Variants in ITPK1 observed in about 807,000 individuals in gnomAD.
The protein encoded by ITPK1 is inositol 1,3,4-trisphosphate 5/6-kinase.
In ITPK1, 21 loss-of-function variants were observed where a neutral mutation model predicts 45.3. The ratio of observed to expected loss-of-function variants is 0.46; its 90% CI spans 0.33 to 0.67. The LOEUF (loss-of-function observed/expected upper bound fraction) is 0.67. Ranked by LOEUF, ITPK1 falls within the 30% of genes least tolerant of loss-of-function variation. The pLI is 0.02. For missense variants in ITPK1, 474 were observed against 573.5 expected, an observed-to-expected ratio of 0.83 and a Z score of 1.77; for synonymous variants, 258 against 253.6, an observed-to-expected ratio of 1.02 and a Z score of -0.16.
intron 2 of ITPK1, among the ~76,000 whole-genome samples, chr14:93,082,395 G>A (rs1278999223): frequency 6.6e-6 from 1 of 152,166 alleles, no homozygotes; most frequent in Non-Finnish European, 1.5e-5. Flanking sequence ...GCGTAGGCAG[G>A]AGCGGAAGAG....
chr14:92,998,375 C>T (rs1024076523), intron 4 of ITPK1, among the ~76,000 whole-genome samples: 6 of 152,332 alleles, frequency 3.9e-5, no homozygotes, highest in South Asian at 2.1e-4. Context: ...CATGCCCACC[C>T]TCCTGCTGAT....
In ITPK1 at chr14:93,014,306, A is replaced by G. The variant is rs1026570591; in HGVS notation, c.246+2370T>C. 1.3e-5 allele frequency among the ~76,000 whole-genome samples: 2 copies of G among 152,194 alleles called. No homozygotes were observed. Among genetic ancestry groups the G allele is most frequent in the Non-Finnish European group, 2.9e-5 (2 of 68,038 alleles). ...AATATTGTTTTCTGCCCAGAAAAGG[A>G]ACACAGCGGGCACTCTCATTCACTG... is the stretch of plus-strand genomic sequence containing the variant. On this transcript the variant is annotated intron_variant, in intron 4 of 10. Coordinates refer to ENST00000267615, the MANE Select transcript of ITPK1 (RefSeq NM_014216.6). This position sits in a 1 kb window ranked among gnomAD's most constrained non-coding sequence, Gnocchi z 4.4.
chr14:92,956,186 C>A lies in ITPK1; in HGVS notation c.670+2015G>T, dbSNP rs1000812127. Among the ~76,000 whole-genome samples the A allele has an allele frequency of 8.6e-5, 13 of 151,714 alleles. 1 individual carries two copies. In the East Asian group the frequency reaches 9.7e-4, roughly 11 times the overall value. ...CCAGGCTGGAATGCAGTGGCATGAC[C>A]ACAGCTCACTGCAACCTTAAACTCC... is the stretch of plus-strand genomic sequence containing the variant. On this transcript the variant is annotated intron_variant, in intron 8 of 10. Transcript: ENST00000267615.
intron 2 of ITPK1, among the ~76,000 whole-genome samples, chr14:93,096,008 G>A (rs948868039): frequency 1.3e-5 from 2 of 152,144 alleles, no homozygotes; most frequent in African/African-American, 4.8e-5. Context: ...TCTACCTCCT[G>A]TAAAATAATC....
intron 2 of ITPK1, among the ~76,000 whole-genome samples, chr14:93,078,314 T>C (rs1041293892): frequency 3.3e-5 from 5 of 152,150 alleles, no homozygotes; most frequent in African/African-American, 1.2e-4. Context: ...TGTCAGCTCA[T>C]TCAGTGAGGG....
intron 10 of ITPK1, among the ~76,000 whole-genome samples, chr14:92,944,163 A>C (rs931641319): frequency 6.6e-6 from 1 of 152,066 alleles, no homozygotes; most frequent in Admixed American, 6.5e-5. Flanking sequence ...GCCCTCTCCC[A>C]GGCCTCTCCC....
At chr14:92,988,648 G>A (rs1392799543) in intron 5 of ITPK1, among the ~76,000 whole-genome samples, 1 of 150,556 alleles carries the variant, frequency 6.6e-6, no homozygotes, top group Non-Finnish European at 1.5e-5. Flanking sequence ...GGGTGTGGAA[G>A]GGGTACACAC....
chr14:93,080,098 C>T (rs1056784436), intron 2 of ITPK1, among the ~76,000 whole-genome samples: 8 of 152,322 alleles, frequency 5.3e-5, no homozygotes, highest in Admixed American at 2.6e-4. Flanking sequence ...CATGCACCCA[C>T]GAGGAATTAT....
chr14:93,017,328 C>T (rs1461668779), intron 3 of ITPK1, among the ~76,000 whole-genome samples: 1 of 152,212 alleles, frequency 6.6e-6, no homozygotes, highest in Non-Finnish European at 1.5e-5. Context: ...TAGAAATTGC[C>T]GCTTTGAGCG....
At chr14:92,948,899 T>TGGATATCACCCACGCTCC (rs1566688675) in intron 9 of ITPK1, among the ~76,000 whole-genome samples, 4 of 149,870 alleles carry the variant, frequency 2.7e-5, no homozygotes, top group East Asian at 4.0e-4. Context: ...ACCCACGCTC[T>TGGATATCACCCACGCTCC]GAGGGACCCA....
At position 93,014,405 on chromosome 14, in the gene ITPK1, A is replaced by G. The variant is rs1385214643; in HGVS notation, c.246+2271T>C. ...TGGGCAAGAGGGATAAGAGCTTGGGAGCAGATGTTCCAGAACTCCGGGCCC... is the reference window on the plus strand; with the variant it reads ...TGGGCAAGAGGGATAAGAGCTTGGGGGCAGATGTTCCAGAACTCCGGGCCC... On this transcript the variant is annotated intron_variant, in intron 4 of 10. Transcript: ENST00000267615. The surrounding 1 kb of genome is among the most constrained non-coding windows in gnomAD (Gnocchi z 4.4). Among the ~76,000 whole-genome samples the G allele has an allele frequency of 7.9e-5, 12 of 152,140 alleles. No homozygotes were observed.
chr14:93,026,103 C>T (rs990950568), intron 3 of ITPK1, among the ~76,000 whole-genome samples: 6 of 151,192 alleles, frequency 4.0e-5, no homozygotes, highest in African/African-American at 1.5e-4. Context: ...AGAGTGAGGC[C>T]CTGTCTAAAA....
Position 93,040,533 on chromosome 14 carries a change from C to A in ITPK1, c.121-23732G>T, listed in dbSNP as rs1566751020. On this transcript the variant is annotated intron_variant, in intron 3 of 10. Coordinates refer to ENST00000267615, the MANE Select transcript of ITPK1 (RefSeq NM_014216.6). ...CCAACACCCCTGCCCAGGCACCCTG[C>A]AGACACTGTATACACCAAATACTTG... Among the ~76,000 whole-genome samples the A allele has an allele frequency of 2.0e-5, 3 of 152,338 alleles. No individual in the cohort carries two copies. In the South Asian group the frequency reaches 6.2e-4, roughly 32 times the overall value.
rs376342112 is a variant in ITPK1, at chr14:93,105,702, G to GTT, written c.95+9365_95+9366dup. On this transcript the variant is annotated intron_variant, in intron 2 of 10. Transcript: ENST00000267615. Reference sequence around the variant, plus strand: ...ACCACGCCTGGCTAATTTTTGTGGGGTTTTTTTTTTTTTTTTTTGAGACAG... The same window carrying GTT: ...ACCACGCCTGGCTAATTTTTGTGGGGTTTTTTTTTTTTTTTTTTTTGAGACAG... Among the ~76,000 whole-genome samples the GTT allele has an allele frequency of 1.6e-4, 20 of 127,758 alleles. 1 individual carries two copies. Among genetic ancestry groups the GTT allele is most frequent in the African/African-American group, 2.4e-4 (8 of 33,648 alleles). 83.8% of individuals were successfully genotyped at this position (127,758 alleles called of 152,430 possible). A position where few individuals can be genotyped will look rare whatever the true frequency, so the allele number is the denominator to read the frequency against.
At chr14:92,968,789 C>T (rs755587915) in intron 5 of ITPK1, among the ~76,000 whole-genome samples, 9 of 152,108 alleles carry the variant, frequency 5.9e-5, no homozygotes, top group Middle Eastern at 3.2e-3. Context: ...ACACTCTGAG[C>T]GGCAGACACA....
rs899589337 is a variant in ITPK1, at chr14:93,076,307, C to T, written c.120+288G>A. 1.3e-5 allele frequency among the ~76,000 whole-genome samples: 2 copies of T among 152,068 alleles called. No individual in the cohort carries two copies. The highest frequency in any genetic ancestry group is 2.4e-5 in the African/African-American group (1 of 41,386). On this transcript the variant is annotated intron_variant, in intron 3 of 10. Transcript: ENST00000267615. The surrounding 1 kb of genome is among the most constrained non-coding windows in gnomAD (Gnocchi z 4.3). Reference sequence around the variant, plus strand: ...GCCTACTGCCCCCTCACCCTTCCCACACCCACCCTAACCTGACCACTGCCA... The same window carrying T: ...GCCTACTGCCCCCTCACCCTTCCCATACCCACCCTAACCTGACCACTGCCA...
In ITPK1 at chr14:92,974,498, A is replaced by G. The variant is rs1417553588; in HGVS notation, c.365-11649T>C. On this transcript the variant is annotated intron_variant, in intron 5 of 10. Coordinates refer to ENST00000267615, the MANE Select transcript of ITPK1 (RefSeq NM_014216.6). Reference sequence around the variant, plus strand: ...TCAGCCTCGCAGCCCCTTGTAGCTAATGCAGCAACCTCAAGGGCCTTGGGC... The same window carrying G: ...TCAGCCTCGCAGCCCCTTGTAGCTAGTGCAGCAACCTCAAGGGCCTTGGGC... 3.9e-5 allele frequency among the ~76,000 whole-genome samples: 6 copies of G among 152,182 alleles called. No individual in the cohort carries two copies. In the South Asian group the frequency reaches 1.0e-3, roughly 26 times the overall value.
intron 8 of ITPK1, among the ~76,000 whole-genome samples, chr14:92,956,186 C>T (rs1000812127): frequency 6.6e-6 from 1 of 151,714 alleles, no homozygotes; most frequent in African/African-American, 2.4e-5. Context: ...GTGGCATGAC[C>T]ACAGCTCACT....
intron 3 of ITPK1, among the ~76,000 whole-genome samples, chr14:93,043,135 T>C (rs1014533040): frequency 4.6e-5 from 7 of 151,412 alleles, no homozygotes; most frequent in African/African-American, 1.7e-4. Flanking sequence ...AGAAACTTCT[T>C]GTCATTGGTT....
Sources: allele counts gnomAD v4.1 joint callset (sites outside exome capture counted in the v4.1 genomes callset), GRCh38; gene constraint gnomAD v4.1.1; non-coding constraint Gnocchi (gnomAD v3.1); transcripts MANE v1.5; gene names NCBI Gene and HGNC (gene_info 2026-07-23, HGNC 2026-07-21).